The following ADCY2 variants were observed in gnomAD, a reference collection of about 807,000 sequenced individuals.
The protein encoded by ADCY2 is adenylate cyclase type 2.
ADCY2 carries 31 observed loss-of-function variants against 125.2 expected under a neutral mutation model. That is an observed-to-expected ratio of 0.25 (90% CI 0.19 to 0.33). ADCY2 has a LOEUF of 0.33. Ranked by LOEUF, ADCY2 falls within the 10% of genes least tolerant of loss-of-function variation. ADCY2 has a pLI of 1.00. For synonymous variants in ADCY2, 512 were observed against 548.4 expected (o/e 0.93, Z 0.93); for missense variants, 904 against 1,418.2 (o/e 0.64, Z 5.82).
intron 2 of ADCY2, among the ~76,000 whole-genome samples, chr5:7,445,553 A>C (rs755265086): frequency 1.3e-5 from 2 of 152,206 alleles, no homozygotes; most frequent in Non-Finnish European, 2.9e-5. Context: ...GATTGCATTA[A>C]AATTATAACT....
chr5:7,741,484 T>G (rs1742402512), intron 14 of ADCY2, among the ~76,000 whole-genome samples: 1 of 146,748 alleles, frequency 6.8e-6, no homozygotes, highest in Non-Finnish European at 1.5e-5. Flanking sequence ...CTCTATAGAT[T>G]TTAGGATGTA....
chr5:7,641,769 T>A (rs916150435), intron 4 of ADCY2, among the ~76,000 whole-genome samples: 1 of 152,164 alleles, frequency 6.6e-6, no homozygotes. Context: ...AGTGAGAACA[T>A]GCAGTATTTG....
At chr5:7,738,425 CA>C (rs1742309947) in intron 14 of ADCY2, among the ~76,000 whole-genome samples, 1 of 151,680 alleles carries the variant, frequency 6.6e-6, no homozygotes, top group South Asian at 2.1e-4. Context: ...AACAGAAAAA[CA>C]AAAATAAATG....
chr5:7,647,677 A>G (rs981239614), intron 4 of ADCY2, among the ~76,000 whole-genome samples: 1 of 152,234 alleles, frequency 6.6e-6, no homozygotes, highest in Non-Finnish European at 1.5e-5. Context: ...AGAAGTACTG[A>G]GAATGAAGGT....
intron 15 of ADCY2, among the ~76,000 whole-genome samples, chr5:7,752,859 G>A (rs929086291): frequency 4.1e-5 from 6 of 147,342 alleles, no homozygotes; most frequent in East Asian, 2.0e-4. Context: ...CCCACTGCTC[G>A]TTGTCCCCAT....
chr5:7,777,070 T>TAC (rs929281276), intron 18 of ADCY2, among the ~76,000 whole-genome samples: 4 of 151,658 alleles, frequency 2.6e-5, no homozygotes, highest in African/African-American at 9.7e-5. Context: ...TATATATATA[T>TAC]ACATCCTATT....
At chr5:7,651,872 G>A (rs938165470) in intron 4 of ADCY2, among the ~76,000 whole-genome samples, 18 of 151,924 alleles carry the variant, frequency 1.2e-4, no homozygotes, top group Admixed American at 2.6e-4. Context: ...GCATGATTCC[G>A]GCTCACTGTA....
intron 3 of ADCY2, among the ~76,000 whole-genome samples, chr5:7,590,082 G>A (rs749062374): frequency 1.2e-4 from 18 of 152,198 alleles, no homozygotes; most frequent in East Asian, 1.2e-3. Context: ...TTTAGGCTCC[G>A]TCTGCTAAAA....
At chr5:7,613,405 C>T (rs774852515) in intron 3 of ADCY2, among the ~76,000 whole-genome samples, 10 of 152,180 alleles carry the variant, frequency 6.6e-5, no homozygotes, top group South Asian at 2.1e-4. Context: ...TGGCACTAAC[C>T]ATCCCGCATT....
At chr5:7,792,746 C>A (rs953192798) in intron 20 of ADCY2, among the ~76,000 whole-genome samples, 1 of 152,214 alleles carries the variant, frequency 6.6e-6, no homozygotes. Context: ...AGTGCGGCCT[C>A]AAATCTTACT....
chr5:7,405,104 T>A (rs1391872804), intron 1 of ADCY2, among the ~76,000 whole-genome samples: 1 of 152,156 alleles, frequency 6.6e-6, no homozygotes, highest in African/African-American at 2.4e-5. Context: ...GGGTGGTCAG[T>A]CTAAGGGGAT....
chr5:7,687,906 G>A (rs1740570219), intron 4 of ADCY2, among the ~76,000 whole-genome samples: 1 of 152,154 alleles, frequency 6.6e-6, no homozygotes, highest in African/African-American at 2.4e-5. Flanking sequence ...GGAGAGTTAT[G>A]TACACTGAGC....
chr5:7,500,164 C>G (rs893648456), intron 2 of ADCY2, among the ~76,000 whole-genome samples: 4 of 152,234 alleles, frequency 2.6e-5, no homozygotes, highest in Admixed American at 2.6e-4. Flanking sequence ...AGCCATTTCT[C>G]CAAGGAGAGT....
chr5:7,507,767 C>T (rs952816920), intron 2 of ADCY2, among the ~76,000 whole-genome samples: 2 of 152,046 alleles, frequency 1.3e-5, no homozygotes, highest in Non-Finnish European at 2.9e-5. Flanking sequence ...ATGAATACCC[C>T]GTGTACTGAG....
chr5:7,770,175 G>A (rs777810234), intron 17 of ADCY2, among the ~76,000 whole-genome samples: 2 of 152,208 alleles, frequency 1.3e-5, no homozygotes, highest in Non-Finnish European at 1.5e-5. Context: ...ACATATTTTA[G>A]TAGTTGTTCT....
chr5:7,448,472 A>T lies in ADCY2; in HGVS notation c.408+33702A>T, dbSNP rs923278087. Among the ~76,000 whole-genome samples, 7 of 146,808 alleles carry T rather than the reference A, an allele frequency of 4.8e-5. No individual in the cohort carries two copies. The South Asian group carries it at 6.5e-4, about 14-fold the overall frequency. On this transcript the variant is annotated intron_variant, in intron 2 of 24. Coordinates refer to ENST00000338316, the MANE Select transcript of ADCY2 (RefSeq NM_020546.3). ...TTGGTGTTGATCAGATTCATTCATTATTTTTTTTTTTCATCAACTTTTAAG... is the reference window on the plus strand; with the variant it reads ...TTGGTGTTGATCAGATTCATTCATTTTTTTTTTTTTTCATCAACTTTTAAG...
At chr5:7,550,544 C>G (rs1172485038) in intron 3 of ADCY2, among the ~76,000 whole-genome samples, 1 of 152,186 alleles carries the variant, frequency 6.6e-6, no homozygotes, top group African/African-American at 2.4e-5. Flanking sequence ...ATGACCAAGC[C>G]TGTTGTCAGG....
chr5:7,530,724 C>T (rs1004157458), intron 3 of ADCY2, among the ~76,000 whole-genome samples: 1 of 152,108 alleles, frequency 6.6e-6, no homozygotes, highest in Admixed American at 6.5e-5. Context: ...ATCCTGGTTC[C>T]TCTGTGGACC....
chr5:7,586,893 C>A (rs73739854), intron 3 of ADCY2, among the ~76,000 whole-genome samples: 8,478 of 152,236 alleles, frequency 0.056, 297 homozygotes, highest in Middle Eastern at 0.11. Context: ...TCTATCCCTT[C>A]AGATCTCTAT....
Sources: allele counts gnomAD v4.1 joint callset (sites outside exome capture counted in the v4.1 genomes callset), GRCh38; gene constraint gnomAD v4.1.1; transcripts MANE v1.5; gene names NCBI Gene and HGNC (gene_info 2026-07-23, HGNC 2026-07-21).